CDC14A: variants seen among roughly 807,000 people sequenced by gnomAD.
CDC14A encodes dual specificity protein phosphatase CDC14A.
In CDC14A, 53 loss-of-function variants were observed where a neutral mutation model predicts 74.4. That is an observed-to-expected ratio of 0.71 (90% CI 0.57 to 0.89). CDC14A has a LOEUF of 0.89. Among genes scored for constraint, CDC14A ranks in the 40% least tolerant of loss-of-function variants. CDC14A has a pLI of 0.00. For synonymous variants in CDC14A, 247 were observed against 258.4 expected (o/e 0.96, Z 0.43); for missense variants, 646 against 713.7 (o/e 0.91, Z 1.08).
At chr1:100,345,659 T>G (rs1287136243) in intron 1 of CDC14A, among the ~76,000 whole-genome samples, 1 of 152,194 alleles carries the variant, frequency 6.6e-6, no homozygotes, top group African/African-American at 2.4e-5. Flanking sequence ...TATTTATACA[T>G]TCTCCAAATA....
chr1:100,350,626 G>T (rs1456491897), upstream of CDC14A, among the ~76,000 whole-genome samples: 1 of 152,196 alleles, frequency 6.6e-6, no homozygotes, highest in Non-Finnish European at 1.5e-5. Context: ...TGAAAGTGTA[G>T]ATTGGAGTTC....
At chr1:100,371,961 A>G (rs1279065089) in intron 2 of CDC14A, among the ~76,000 whole-genome samples, 1 of 152,198 alleles carries the variant, frequency 6.6e-6, no homozygotes, top group Non-Finnish European at 1.5e-5. Flanking sequence ...TACTGTGGAG[A>G]TATTGCAGGT....
chr1:100,473,848 C>A (rs544497516), intron 10 of CDC14A, among the ~76,000 whole-genome samples: 29 of 152,214 alleles, frequency 1.9e-4, no homozygotes, highest in African/African-American at 6.3e-4. Flanking sequence ...GTTTCCTTTT[C>A]TTCCCTTGTT....
intron 5 of CDC14A, among the ~76,000 whole-genome samples, chr1:100,435,927 C>G (rs1342346416): frequency 6.6e-6 from 1 of 150,978 alleles, no homozygotes; most frequent in Non-Finnish European, 1.5e-5. Context: ...AGATGTGGAG[C>G]TTGGAAAATT....
intron 2 of CDC14A, among the ~76,000 whole-genome samples, chr1:100,360,327 T>A (rs1187032605): frequency 6.7e-6 from 1 of 149,522 alleles, no homozygotes; most frequent in Non-Finnish European, 1.5e-5. Flanking sequence ...TAGATATATC[T>A]GTGTACATTC....
rs1271391055 is a variant in CDC14A, at chr1:100,508,180, C to T, written c.1755+8918C>T. On this transcript the variant is annotated intron_variant, in intron 15 of 15. Transcript: ENST00000336454. This position sits in a 1 kb window ranked among gnomAD's most constrained non-coding sequence, Gnocchi z 4.4. ...TGACCTTTGATTTCAGGGGCTATAT[C>T]TTTCTTTTCCAGCATTTCTAATTTG... Among the ~76,000 whole-genome samples, 1 of 152,034 alleles carries T rather than the reference C, an allele frequency of 6.6e-6. No homozygotes were observed. Among genetic ancestry groups the T allele is most frequent in the Non-Finnish European group, 1.5e-5 (1 of 67,988 alleles).
At chr1:100,466,027 T>G (rs1275712990) in intron 9 of CDC14A, among the ~76,000 whole-genome samples, 1 of 152,238 alleles carries the variant, frequency 6.6e-6, no homozygotes, top group African/African-American at 2.4e-5. Flanking sequence ...CTCCTAACTA[T>G]TGAGTGCTAA....
intron 4 of CDC14A, among the ~76,000 whole-genome samples, chr1:100,410,180 C>G (rs1328184232): frequency 6.6e-6 from 1 of 150,430 alleles, no homozygotes; most frequent in East Asian, 1.9e-4. Flanking sequence ...CTACTGCACT[C>G]CAGCCTGGGT....
chr1:100,495,507 A>G (rs1359509183), intron 12 of CDC14A, among the ~76,000 whole-genome samples: 3 of 152,234 alleles, frequency 2.0e-5, no homozygotes, highest in African/African-American at 7.2e-5. Flanking sequence ...GTTTAAAAAA[A>G]GGGGAATCAA....
rs755043383 is a variant in CDC14A, at chr1:100,377,567, G to A, written c.162G>A (p.Pro54=). The A allele has an allele frequency of 6.8e-6, 11 of 1,613,088 alleles. No individual in the cohort carries two copies. The highest frequency in any genetic ancestry group is 1.7e-4 in the Middle Eastern group (1 of 6,052). Residue 54 remains proline (P), a synonymous_variant, in exon 3 of 16, where the codon CCG becomes CCA. Transcript: ENST00000336454. ...VYENFYADFG[P]LNLAMVYRYC... is the part of the protein sequence containing the mutation. ...TTAGTTTCTATGCAGATTTTGGACCGCTGAACTTGGCAATGGTGTACAGAT... is the reference window on the plus strand; with the variant it reads ...TTAGTTTCTATGCAGATTTTGGACCACTGAACTTGGCAATGGTGTACAGAT...
chr1:100,461,974 T>C (rs1667360333), intron 8 of CDC14A, among the ~76,000 whole-genome samples: 1 of 152,232 alleles, frequency 6.6e-6, no homozygotes, highest in African/African-American at 2.4e-5. Flanking sequence ...GACTTTAAAG[T>C]ATATAATACA....
chr1:100,399,275 T>C (rs1000951932), intron 4 of CDC14A, among the ~76,000 whole-genome samples: 3 of 152,194 alleles, frequency 2.0e-5, no homozygotes, highest in African/African-American at 7.2e-5. Flanking sequence ...GAGAATACCA[T>C]TGTTTAACAT....
chr1:100,352,773 C>T lies in CDC14A; in HGVS notation c.-182C>T. 1.4e-6 allele frequency: 2 copies of T among 1,421,840 alleles called. No individual in the cohort carries two copies. The highest frequency in any genetic ancestry group is 1.8e-6 in the Non-Finnish European group (2 of 1,094,578). 88.1% of individuals were successfully genotyped at this position (1,421,840 alleles called of 1,614,324 possible). On this transcript the variant is annotated 5_prime_UTR_variant, in exon 1 of 16. Coordinates refer to ENST00000336454, the MANE Select transcript of CDC14A (RefSeq NM_003672.4). ...AGCTCGGGTTCCCCTCGGAATGTCCCCGGGGCGCCCGGCGCGCTGACCCCG... is the reference window on the plus strand; with the variant it reads ...AGCTCGGGTTCCCCTCGGAATGTCCTCGGGGCGCCCGGCGCGCTGACCCCG...
chr1:100,367,564 A>T (rs2100915935), intron 2 of CDC14A, among the ~76,000 whole-genome samples: 1 of 152,340 alleles, frequency 6.6e-6, no homozygotes, highest in Middle Eastern at 3.4e-3. Flanking sequence ...TATTTTAAAT[A>T]CATAAATAGT....
At chr1:100,405,407 T>C (rs1490416385) in intron 4 of CDC14A, among the ~76,000 whole-genome samples, 1 of 152,216 alleles carries the variant, frequency 6.6e-6, no homozygotes, top group Non-Finnish European at 1.5e-5. Flanking sequence ...TATTAAGTTC[T>C]GGGGTACATG....
chr1:100,459,074 C>A (rs1425316950), intron 8 of CDC14A, among the ~76,000 whole-genome samples: 1 of 147,728 alleles, frequency 6.8e-6, no homozygotes, highest in African/African-American at 2.6e-5. Context: ...CTGTCATTCT[C>A]ACTTCTATTT....
Position 100,361,144 on chromosome 1 carries a change from A to G in CDC14A, c.140+7292A>G, listed in dbSNP as rs182004533. ...AAAACAAAAAACAAAAAAACTAAAAACTAAAACACAAGCCTCACAAAACTC... is the reference window on the plus strand; with the variant it reads ...AAAACAAAAAACAAAAAAACTAAAAGCTAAAACACAAGCCTCACAAAACTC... On this transcript the variant is annotated intron_variant, in intron 2 of 15. Coordinates refer to ENST00000336454, the MANE Select transcript of CDC14A (RefSeq NM_003672.4). Among the ~76,000 whole-genome samples, 771 of 152,254 alleles carry G rather than the reference A, an allele frequency of 5.1e-3. 7 individuals are homozygous for G. The highest frequency in any genetic ancestry group is 0.018 in the African/African-American group (738 of 41,560).
intron 13 of CDC14A, among the ~76,000 whole-genome samples, chr1:100,497,120 C>T (rs1647960535): frequency 6.6e-6 from 1 of 152,156 alleles, no homozygotes; most frequent in Non-Finnish European, 1.5e-5. Context: ...CTATGATTTA[C>T]TATGAGAATA....
At chr1:100,398,092 T>C (rs995823107) in intron 4 of CDC14A, among the ~76,000 whole-genome samples, 2 of 152,204 alleles carry the variant, frequency 1.3e-5, no homozygotes, top group African/African-American at 4.8e-5. Flanking sequence ...AACTCCTGTT[T>C]TTTTCATCTT....
Sources: gnomAD v4.1 joint callset for allele counts (sites outside exome capture counted in the v4.1 genomes callset) on GRCh38, gnomAD v4.1.1 for gene constraint, Gnocchi (gnomAD v3.1) non-coding constraint, MANE v1.5 for transcripts, NCBI Gene and HGNC (gene_info 2026-07-23, HGNC 2026-07-21) for gene names.